CDKAL1: variants seen among roughly 807,000 people sequenced by gnomAD.
The protein encoded by CDKAL1 is CDKAL1 threonylcarbamoyladenosine tRNA methylthiotransferase.
Under a neutral mutation model 68.2 loss-of-function variants are expected in CDKAL1, and 32 were observed. That is an observed-to-expected ratio of 0.47 (90% CI 0.35 to 0.63). The LOEUF (loss-of-function observed/expected upper bound fraction) is 0.63. Among genes scored for constraint, CDKAL1 ranks in the 30% least tolerant of loss-of-function variants. CDKAL1 has a pLI of 0.00. For synonymous variants in CDKAL1, 234 were observed against 244.3 expected, an observed-to-expected ratio of 0.96 and a Z score of 0.39; for missense variants, 606 against 696.7, an observed-to-expected ratio of 0.87 and a Z score of 1.47.
chr6:20,863,709 CTA>C (rs1296999378), intron 9 of CDKAL1, among the ~76,000 whole-genome samples: 1 of 151,980 alleles, frequency 6.6e-6, no homozygotes, highest in Non-Finnish European at 1.5e-5. Context: ...ACAGTTAAGA[CTA>C]TATATTTTTA....
intron 12 of CDKAL1, among the ~76,000 whole-genome samples, chr6:21,080,535 G>A (rs1287104462): frequency 3.3e-5 from 5 of 152,048 alleles, no homozygotes; most frequent in South Asian, 2.1e-4. Flanking sequence ...TTTTAAGAGC[G>A]TGCTCCTGAT....
chr6:20,594,048 T>G (rs1765710893), intron 4 of CDKAL1, among the ~76,000 whole-genome samples: 2 of 152,242 alleles, frequency 1.3e-5, no homozygotes, highest in Admixed American at 6.5e-5. Flanking sequence ...AGACTGTTTG[T>G]TATGATTTCT....
rs144865426 is a variant in CDKAL1, at chr6:20,844,579, C to T, written c.639-1496C>T. Among the ~76,000 whole-genome samples, 470 of 151,932 alleles carry T rather than the reference C, an allele frequency of 3.1e-3. 6 individuals carry two copies. The highest frequency in any genetic ancestry group is 0.011 in the African/African-American group (442 of 41,454). On this transcript the variant is annotated intron_variant, in intron 8 of 15. Transcript: ENST00000274695. ...ATATAAAATATCAGTAACAGGCTCA[C>T]TGGCTCACACCTGTAATCCCAGCAC...
chr6:21,113,904 C>T (rs1774254199), intron 13 of CDKAL1, among the ~76,000 whole-genome samples: 1 of 151,736 alleles, frequency 6.6e-6, no homozygotes, highest in Non-Finnish European at 1.5e-5. Flanking sequence ...TGCACCACTG[C>T]TCTCCAGCCT....
intron 5 of CDKAL1, among the ~76,000 whole-genome samples, chr6:20,709,409 C>G (rs1771744414): frequency 1.3e-5 from 2 of 151,976 alleles, no homozygotes; most frequent in Admixed American, 6.6e-5. Flanking sequence ...AGGAAATACT[C>G]ATTGGAGCAT....
At chr6:20,995,604 G>C (rs144640943) in intron 10 of CDKAL1, among the ~76,000 whole-genome samples, 9 of 152,202 alleles carry the variant, frequency 5.9e-5, no homozygotes, top group Non-Finnish European at 8.8e-5. Context: ...CTCGATAGTG[G>C]GTTTAAAATA....
At chr6:20,894,581 A>G (rs1379650919) in intron 9 of CDKAL1, among the ~76,000 whole-genome samples, 2 of 152,046 alleles carry the variant, frequency 1.3e-5, no homozygotes, top group African/African-American at 4.8e-5. Flanking sequence ...GAGATTTTCC[A>G]TTTGGGAAGT....
At chr6:20,651,254 C>T (rs186882768) in intron 5 of CDKAL1, among the ~76,000 whole-genome samples, 36 of 152,158 alleles carry the variant, frequency 2.4e-4, no homozygotes, top group African/African-American at 8.4e-4. Flanking sequence ...TAGTTCTCCT[C>T]GAAGAGGTCC....
chr6:20,882,587 A>C (rs1760877612), intron 9 of CDKAL1, among the ~76,000 whole-genome samples: 1 of 152,126 alleles, frequency 6.6e-6, no homozygotes, highest in South Asian at 2.1e-4. Flanking sequence ...TCATTTAGCA[A>C]TATTTTTGGT....
chr6:21,148,262 G>A (rs1004465265), intron 13 of CDKAL1, among the ~76,000 whole-genome samples: 1 of 152,184 alleles, frequency 6.6e-6, no homozygotes, highest in Non-Finnish European at 1.5e-5. Context: ...GGAAGGGACT[G>A]TGATCTGAGG....
At chr6:20,587,894 G>A (rs145615780) in intron 4 of CDKAL1, among the ~76,000 whole-genome samples, 34 of 152,066 alleles carry the variant, frequency 2.2e-4, no homozygotes, top group African/African-American at 7.5e-4. Context: ...CCAGGAGTTC[G>A]AGACCAGCCT....
intron 13 of CDKAL1, among the ~76,000 whole-genome samples, chr6:21,137,455 T>C (rs749321429): frequency 6.6e-5 from 10 of 152,220 alleles, no homozygotes; most frequent in East Asian, 3.9e-4. Context: ...CAGCCTGTTA[T>C]GGTTTTTAAA....
At chr6:21,021,724 A>G (rs1768677087) in intron 11 of CDKAL1, among the ~76,000 whole-genome samples, 1 of 152,156 alleles carries the variant, frequency 6.6e-6, no homozygotes, top group Non-Finnish European at 1.5e-5. Flanking sequence ...TTTCAAAACC[A>G]GAGTTTTCGT....
At chr6:21,151,829 T>C (rs1186933546) in intron 13 of CDKAL1, among the ~76,000 whole-genome samples, 1 of 152,300 alleles carries the variant, frequency 6.6e-6, no homozygotes, top group African/African-American at 2.4e-5. Context: ...TATTGAACAA[T>C]TGAAACATTA....
chr6:21,205,936 G>A (rs1370769102), intron 15 of CDKAL1, among the ~76,000 whole-genome samples: 4 of 142,018 alleles, frequency 2.8e-5, no homozygotes, highest in South Asian at 2.3e-4. Flanking sequence ...CCGGGTTCAC[G>A]CCATTCTCCT....
chr6:21,121,655 T>C (rs1362281916), intron 13 of CDKAL1, among the ~76,000 whole-genome samples: 1 of 152,198 alleles, frequency 6.6e-6, no homozygotes, highest in Non-Finnish European at 1.5e-5. Context: ...GTTTCTAGAA[T>C]GTCAGCTGTA....
intron 5 of CDKAL1, among the ~76,000 whole-genome samples, chr6:20,707,151 A>T (rs368036990): frequency 6.6e-6 from 1 of 152,234 alleles, no homozygotes; most frequent in Non-Finnish European, 1.5e-5. Context: ...AATGATGGAG[A>T]TAATGTTCTG....
At chr6:20,611,379 C>T (rs1162714977) in intron 4 of CDKAL1, among the ~76,000 whole-genome samples, 2 of 152,112 alleles carry the variant, frequency 1.3e-5, no homozygotes, top group African/African-American at 4.8e-5. Context: ...GATCCACCTG[C>T]CTCAGCCTCA....
chr6:20,557,817 C>T (rs946873210), intron 4 of CDKAL1, among the ~76,000 whole-genome samples: 1 of 152,118 alleles, frequency 6.6e-6, no homozygotes, highest in African/African-American at 2.4e-5. Context: ...ATTCCAGCTA[C>T]TCAGGAGGTT....
Sources: gnomAD v4.1 joint callset for allele counts (sites outside exome capture counted in the v4.1 genomes callset) on GRCh38, gnomAD v4.1.1 for gene constraint, MANE v1.5 for transcripts, NCBI Gene and HGNC (gene_info 2026-07-23, HGNC 2026-07-21) for gene names.